Variants in DMD observed in about 807,000 individuals in gnomAD.
DMD encodes dystrophin, also known as mutant dystrophin.
Under a neutral mutation model 330.1 loss-of-function variants are expected in DMD, and 63 were observed. The ratio of observed to expected loss-of-function variants is 0.19; its 90% CI spans 0.16 to 0.24. DMD has a LOEUF of 0.24. Ranked by LOEUF, DMD falls within the 10% of genes least tolerant of loss-of-function variation. The pLI, the probability that DMD is intolerant of heterozygous loss-of-function variation, is 1.00. For missense variants in DMD, 3,344 were observed against 2,684.1 expected (o/e 1.25, Z -5.43); for synonymous variants, 1,223 against 959.8 (o/e 1.27, Z -5.07).
At chrX:32,894,690 C>T (rs998085319) in intron 2 of DMD, among the ~76,000 whole-genome samples, 6 of 112,175 alleles carry the variant, frequency 5.3e-5, no homozygotes, top group African/African-American at 6.5e-5. Context: ...TTCCGTAGCT[C>T]GGAAAACACA....
chrX:32,691,553 G>A (rs747393440), intron 9 of DMD, among the ~76,000 whole-genome samples: 13 of 111,402 alleles, frequency 1.2e-4, no homozygotes, highest in East Asian at 2.8e-4. Flanking sequence ...ATTGTACACC[G>A]TTGGTGAAGT....
At chrX:33,059,298 T>G (rs2094554468) in intron 1 of DMD, among the ~76,000 whole-genome samples, 1 of 111,358 alleles carries the variant, frequency 9.0e-6, no homozygotes, top group Admixed American at 9.7e-5. Flanking sequence ...TATTCTTTTA[T>G]CCCTTATTCA....
chrX:32,560,598 C>T (rs1418200232), intron 16 of DMD, among the ~76,000 whole-genome samples: 1 of 110,895 alleles, frequency 9.0e-6, no homozygotes, highest in African/African-American at 3.3e-5. Context: ...CTCCTCCTCT[C>T]CCAGCAACAG....
intron 43 of DMD, among the ~76,000 whole-genome samples, chrX:32,253,774 C>T (rs1156431772): frequency 2.8e-5 from 3 of 107,977 alleles, no homozygotes; most frequent in Admixed American, 1.0e-4. Context: ...TAGGCGTGCA[C>T]CACCAAGCCC....
Position 32,484,937 on chromosome X carries a change from C to T in DMD, c.2785G>A (p.Glu929Lys), listed in dbSNP as rs772679497. ...KQVFSDVQAR[E>K]KELQTIFDTL... is the part of the protein sequence containing the mutation. Reference sequence around the variant, plus strand: ...TACTTACTTGTCTGTAGCTCTTTCTCTCTGGCCTGCACATCAGAAAAGACT... The same window carrying T: ...TACTTACTTGTCTGTAGCTCTTTCTTTCTGGCCTGCACATCAGAAAAGACT... Residue 929 changes from glutamate (E) to lysine (K), a missense_variant, in exon 21 of 79, where the codon GAG becomes AAG. By Grantham distance (56) the Glu-to-Lys change is moderately conservative (BLOSUM62 1). Transcript: ENST00000357033. The T allele has an allele frequency of 9.1e-5, 110 of 1,209,772 alleles. No individual in the cohort carries two copies. Among genetic ancestry groups the T allele is most frequent in the Non-Finnish European group, 1.2e-4 (109 of 895,101 alleles).
At chrX:33,066,405 C>G (rs2094658583) in intron 1 of DMD, among the ~76,000 whole-genome samples, 1 of 91,811 alleles carries the variant, frequency 1.1e-5, no homozygotes, top group Non-Finnish European at 2.1e-5. Context: ...GACGAGATCA[C>G]ACCACTGCAC....
chrX:31,859,239 G>A (rs1008876552), intron 48 of DMD, among the ~76,000 whole-genome samples: 2 of 111,345 alleles, frequency 1.8e-5, no homozygotes, highest in African/African-American at 6.5e-5. Flanking sequence ...GAGAGGAGCA[G>A]GAGGAGAGCA....
chrX:31,314,573 C>T (rs779826677), intron 62 of DMD, among the ~76,000 whole-genome samples: 1 of 111,037 alleles, frequency 9.0e-6, no homozygotes. Context: ...TGCCGAATGC[C>T]GACAGTGAGC....
chrX:33,048,777 G>C (rs186279027), intron 1 of DMD, among the ~76,000 whole-genome samples: 207 of 108,312 alleles, frequency 1.9e-3, no homozygotes, highest in Non-Finnish European at 3.1e-3. Context: ...CAACTGCAGG[G>C]AAAGTAATTA....
chrX:33,282,968 G>A (rs1312958265), intron 1 of DMD, among the ~76,000 whole-genome samples: 5 of 111,949 alleles, frequency 4.5e-5, no homozygotes, highest in Non-Finnish European at 9.4e-5. Flanking sequence ...TCTTTTGATG[G>A]CCTCTTGTTT....
chrX:32,441,250 T>G lies in DMD; in HGVS notation c.3851A>C (p.Glu1284Ala). ...AGTGGTTTTAAGTTTAAATTCTACT[T>G]CATTTAGCCACTTGTTTGCTTTCTC... ...YLEKANKWLN[E>A]VEFKLKTTEN... The change falls in exon 28 of 79, where the codon GAA (glutamate) becomes GCA (alanine). Residue 1284 changes from glutamate (E) to alanine (A), a missense_variant. Physicochemically the swap from Glu to Ala is moderately radical, Grantham distance 107 (BLOSUM62 -1). Coordinates refer to ENST00000357033, the MANE Select transcript of DMD (RefSeq NM_004006.3). The G allele has an allele frequency of 5.0e-6, 6 of 1,208,946 alleles. No homozygotes were observed. Among genetic ancestry groups the G allele is most frequent in the Non-Finnish European group, 5.6e-6 (5 of 893,192 alleles).
intron 7 of DMD, among the ~76,000 whole-genome samples, chrX:32,732,482 GA>G (rs2067828368): frequency 9.0e-6 from 1 of 110,994 alleles, no homozygotes; most frequent in Admixed American, 9.6e-5. Flanking sequence ...AAGTTGAAAT[GA>G]AGGAAAAAGT....
At chrX:32,741,817 A>G (rs775538991) in intron 7 of DMD, among the ~76,000 whole-genome samples, 7 of 111,889 alleles carry the variant, frequency 6.3e-5, no homozygotes, top group East Asian at 2.8e-4. Flanking sequence ...CATATAAATT[A>G]TATCTCAATA....
At chrX:32,812,125 C>A (rs1470349396) in intron 6 of DMD, among the ~76,000 whole-genome samples, 2 of 111,071 alleles carry the variant, frequency 1.8e-5, no homozygotes, top group East Asian at 5.7e-4. Flanking sequence ...ATCACAGACA[C>A]CTTTGAGAAT....
rs142548232 is a variant in DMD, at chrX:32,257,624, C to T, written c.6290+29905G>A. Among the ~76,000 whole-genome samples, 754 of 111,419 alleles carry T rather than the reference C, an allele frequency of 6.8e-3. 4 individuals are homozygous for T. Among genetic ancestry groups the T allele is most frequent in the African/African-American group, 0.024 (729 of 30,653 alleles). On this transcript the variant is annotated intron_variant, in intron 43 of 78. Coordinates refer to ENST00000357033, the MANE Select transcript of DMD (RefSeq NM_004006.3). ...AAACTGGCTAGTCATATGCAGAAAA[C>T]GGAAACTGGACCCCTTCCTTACCCC...
intron 2 of DMD, among the ~76,000 whole-genome samples, chrX:32,984,026 T>C (rs1418798097): frequency 1.8e-5 from 2 of 111,862 alleles, no homozygotes; most frequent in East Asian, 2.8e-4. Context: ...CCTTTACCGT[T>C]TTTTTTAAAC....
chrX:32,733,543 C>G (rs372266699), intron 7 of DMD, among the ~76,000 whole-genome samples: 1 of 111,169 alleles, frequency 9.0e-6, no homozygotes. Flanking sequence ...TGTAGAAGAA[C>G]AGAAATTATA....
intron 36 of DMD, 140 bp from the exon 37 acceptor site, chrX:32,363,098 G>C (rs182459483): frequency 4.9e-4 from 277 of 568,998 alleles, no homozygotes; most frequent in Non-Finnish European, 7.0e-4. Context: ...GAAAATGAGA[G>C]CAAGCACATG....
chrX:33,256,939 G>T lies in DMD; in HGVS notation c.7+82320C>A, dbSNP rs1298879736. Among the ~76,000 whole-genome samples, 3 of 110,366 alleles carry T rather than the reference G, an allele frequency of 2.7e-5. No homozygotes were observed. In the East Asian group the frequency reaches 8.6e-4, roughly 32 times the overall value. On this transcript the variant is annotated intron_variant, in intron 1 of 17. Coordinates refer to the DMD transcript ENST00000288447. ...ACATCTATATCTCTTCAGCCCCTTT[G>T]TAAACGTGTAACGGAGTAACACATC...
Sources: allele counts gnomAD v4.1 joint callset (sites outside exome capture counted in the v4.1 genomes callset), GRCh38; gene constraint gnomAD v4.1.1; transcripts MANE v1.5; gene names NCBI Gene and HGNC (gene_info 2026-07-23, HGNC 2026-07-21).